CRYBG3: variants seen among roughly 807,000 people sequenced by gnomAD.
CRYBG3 encodes very large A-kinase anchor protein.
Under a neutral mutation model 244.2 loss-of-function variants are expected in CRYBG3, and 127 were observed. The ratio of observed to expected loss-of-function variants is 0.52; its 90% CI spans 0.45 to 0.60. CRYBG3 has a LOEUF of 0.60. CRYBG3 is among the 20% of genes least tolerant of loss of function. CRYBG3 has a pLI of 0.00. For missense variants in CRYBG3, 3,325 were observed against 3,442.5 expected, an observed-to-expected ratio of 0.97 and a Z score of 0.85; for synonymous variants, 1,132 against 1,195.8, an observed-to-expected ratio of 0.95 and a Z score of 1.10.
chr3:97,869,606 C>T (rs1204185365), intron 3 of CRYBG3, among the ~76,000 whole-genome samples: 1 of 152,062 alleles, frequency 6.6e-6, no homozygotes. Context: ...TAGGGAAAGA[C>T]CCAAATGTCA....
At chr3:97,880,563 A>G (rs947012453) in intron 6 of CRYBG3, among the ~76,000 whole-genome samples, 10 of 152,224 alleles carry the variant, frequency 6.6e-5, no homozygotes, top group African/African-American at 2.4e-4. Context: ...CTATCTATTT[A>G]TTATGGACCA....
intron 15 of CRYBG3, among the ~76,000 whole-genome samples, chr3:97,902,251 T>G (rs1419929775): frequency 6.6e-6 from 1 of 152,066 alleles, no homozygotes; most frequent in African/African-American, 2.4e-5. Context: ...CTGGTGATTT[T>G]AAAGGGAACC....
intron 15 of CRYBG3, among the ~76,000 whole-genome samples, chr3:97,911,914 C>T (rs2039877075): frequency 6.6e-6 from 1 of 152,152 alleles, no homozygotes; most frequent in Admixed American, 6.5e-5. Context: ...CTAGGCCTCT[C>T]TTCCCACAAT....
intron 11 of CRYBG3, among the ~76,000 whole-genome samples, chr3:97,893,527 TAGTC>T (rs1488141325): frequency 1.3e-5 from 2 of 152,256 alleles, no homozygotes; most frequent in Non-Finnish European, 2.9e-5. Context: ...ATCGCAGTCT[TAGTC>T]AGCAGTTCCT....
intron 2 of CRYBG3, among the ~76,000 whole-genome samples, chr3:97,853,771 G>C (rs2039023180): frequency 1.3e-5 from 2 of 151,972 alleles, no homozygotes; most frequent in Admixed American, 1.3e-4. Context: ...CTTAAATATT[G>C]TGGTATCACA....
intron 1 of CRYBG3, chr3:97,840,805 A>G (rs943179087): frequency 2.0e-5 from 3 of 152,142 alleles, no homozygotes; most frequent in African/African-American, 7.2e-5. Flanking sequence ...ATCATTCAAA[A>G]TAGATTGTAG....
intron 16 of CRYBG3, 145 bp from the exon 17 acceptor site, chr3:97,915,465 G>GT: frequency 3.0e-6 from 2 of 658,482 alleles, no homozygotes; most frequent in Non-Finnish European, 4.8e-6. Flanking sequence ...TAGCTGTTGT[G>GT]TTTTTTGTTT....
In CRYBG3 at chr3:97,864,506, G is replaced by A. The variant is rs1486491265; in HGVS notation, c.506G>A (p.Arg169Lys). The A allele has an allele frequency of 6.5e-7, 1 of 1,535,926 alleles. No individual in the cohort carries two copies. Among genetic ancestry groups the A allele is most frequent in the African/African-American group, 1.4e-5 (1 of 73,122 alleles). Reference sequence around the variant, plus strand: ...GACCATCATGAAGACGGGATCAAAAGGGAGAGAGAGATTTTCAGTGGCTCC... The same window carrying A: ...GACCATCATGAAGACGGGATCAAAAAGGAGAGAGAGATTTTCAGTGGCTCC... ...PSDHHEDGIK[R>K]EREIFSGSLR... is the part of the protein sequence containing the mutation. Residue 169 changes from arginine (R) to lysine (K), a missense_variant, in exon 3 of 22, where the codon AGG (arginine) becomes AAG (lysine). Arg to Lys is a conservative substitution (Grantham distance 26, BLOSUM62 2). This residue lies in a region of CRYBG3 where 1,526 missense variants were observed against 1,443.2 expected (regional missense o/e 1.06). Transcript: ENST00000389622.
intron 1 of CRYBG3, among the ~76,000 whole-genome samples, chr3:97,827,843 G>C (rs1027639092): frequency 3.9e-5 from 6 of 152,136 alleles, no homozygotes; most frequent in African/African-American, 1.4e-4. Flanking sequence ...TGAATTCAAA[G>C]CCTACAGCAT....
At chr3:97,854,571 T>C (rs1045223443) in intron 2 of CRYBG3, among the ~76,000 whole-genome samples, 1 of 151,406 alleles carries the variant, frequency 6.6e-6, no homozygotes, top group African/African-American at 2.4e-5. Flanking sequence ...TCACCTCCTT[T>C]GTTAGGTATA....
intron 1 of CRYBG3, among the ~76,000 whole-genome samples, chr3:97,831,654 C>T (rs921428928): frequency 2.0e-5 from 3 of 152,004 alleles, no homozygotes; most frequent in African/African-American, 7.2e-5. Flanking sequence ...ATGATCAAAT[C>T]AGGGTTTTTA....
chr3:97,924,112 A>G (rs1355007397), intron 17 of CRYBG3: 2 of 263,562 alleles, frequency 7.6e-6, no homozygotes, highest in African/African-American at 2.3e-5. Flanking sequence ...GGACAGAGGA[A>G]TAGGGTAGCA....
In CRYBG3 at chr3:97,933,751, T is replaced by A. The variant is rs893910895; in HGVS notation, c.8299T>A (p.Leu2767Ile). The change falls in exon 18 of 22, where the codon TTA becomes ATA. Residue 2767 changes from leucine to isoleucine, a missense_variant. This residue lies in a region of CRYBG3 where 714 missense variants were observed against 803.6 expected (regional missense o/e 0.89). Transcript: ENST00000389622. ...TCTGGAGCATTGTGAGGGAAGAGAG[T>A]TACATCTAGAAGAGGCTGTGAACTC... The part of the protein sequence containing the change: ...FALEHCEGRE[L>I]HLEEAVNSVL... 3.7e-6 allele frequency: 6 copies of A among 1,612,530 alleles called. No individual in the cohort carries two copies. Among genetic ancestry groups the A allele is most frequent in the Non-Finnish European group, 5.1e-6 (6 of 1,179,064 alleles).
chr3:97,893,881 G>A (rs1048215526), intron 11 of CRYBG3, among the ~76,000 whole-genome samples: 1 of 152,176 alleles, frequency 6.6e-6, no homozygotes, highest in African/African-American at 2.4e-5. Flanking sequence ...TAGAGAACTA[G>A]ACTTTGCAGT....
Position 97,877,961 on chromosome 3 carries a change from G to A in CRYBG3, c.6767G>A (p.Gly2256Asp). 3 of 1,614,100 alleles carry A rather than the reference G, an allele frequency of 1.9e-6. No homozygotes were observed. Among genetic ancestry groups the A allele is most frequent in the African/African-American group, 1.3e-5 (1 of 75,040 alleles). Residue 2256 changes from glycine to aspartate, a missense_variant, in exon 4 of 22, where the codon GGT becomes GAT. By Grantham distance (94) the Gly-to-Asp change is moderately conservative (BLOSUM62 -1). Around this residue, in one of 4 missense-constraint regions of CRYBG3, gnomAD observed 450 missense variants for 424.1 expected, o/e 1.06. Transcript: ENST00000389622. ...SHSSEKGARF[G>D]GIFQEPVSKY... ...TCCTCAGAAAAAGGAGCCAGATTTGGTGGAATTTTTCAGGAACCAGTGTCA... is the reference window on the plus strand; with the variant it reads ...TCCTCAGAAAAAGGAGCCAGATTTGATGGAATTTTTCAGGAACCAGTGTCA...
chr3:97,898,769 C>T (rs919713832), intron 12 of CRYBG3, 114 bp from the exon 13 acceptor site: 4 of 651,888 alleles, frequency 6.1e-6, no homozygotes, highest in African/African-American at 5.7e-5. Context: ...AAAATTCTTC[C>T]TGGAGTTATT....
In CRYBG3 at chr3:97,877,360, A is replaced by T; in HGVS notation, c.6166A>T (p.Thr2056Ser). The T allele has an allele frequency of 1.2e-6, 2 of 1,614,132 alleles. No individual in the cohort carries two copies. Among genetic ancestry groups the T allele is most frequent in the South Asian group, 2.2e-5 (2 of 91,078 alleles). ...CCTTGTCCATCACTTTGAAAAAGGT[A>T]CTAAATTAGGTGAGACATTTGATAG... ...TDLVHHFEKG[T>S]KLGETFDSDS... is the part of the protein sequence containing the mutation. The change falls in exon 4 of 22, where the codon ACT (threonine) becomes TCT (serine). Residue 2056 changes from threonine to serine, a missense_variant. Transcript: ENST00000389622.
At chr3:97,900,707 C>A (rs1026136283) in intron 15 of CRYBG3, among the ~76,000 whole-genome samples, 2 of 152,246 alleles carry the variant, frequency 1.3e-5, no homozygotes, top group East Asian at 3.9e-4. Flanking sequence ...CCTGACAGAG[C>A]GGTAGCTCTG....
At chr3:97,848,021 C>T (rs1465193283) in intron 2 of CRYBG3, among the ~76,000 whole-genome samples, 1 of 152,142 alleles carries the variant, frequency 6.6e-6, no homozygotes, top group East Asian at 1.9e-4. Context: ...GACTATTTCA[C>T]TGAGGAAGAA....
Sources: gnomAD v4.1 joint callset for allele counts (sites outside exome capture counted in the v4.1 genomes callset) on GRCh38, gnomAD v4.1.1 for gene constraint, gnomAD v4.1.1 regional missense constraint, MANE v1.5 for transcripts, NCBI Gene and HGNC (gene_info 2026-07-23, HGNC 2026-07-21) for gene names.